SYT1: variants seen among roughly 807,000 people sequenced by gnomAD.
SYT1 encodes the protein synaptotagmin 1.
Under a neutral mutation model 44.8 loss-of-function variants are expected in SYT1, and 8 were observed. The ratio of observed to expected loss-of-function variants is 0.18; its 90% CI spans 0.10 to 0.32. SYT1 has a LOEUF of 0.32. Among genes scored for constraint, SYT1 ranks in the 10% least tolerant of loss-of-function variants. The pLI is 1.00. For synonymous variants in SYT1, 154 were observed against 188.8 expected (o/e 0.82, Z 1.51); for missense variants, 286 against 509.3 (o/e 0.56, Z 4.22).
chr12:78,887,182 C>T (rs1874795095), intron 1 of SYT1, among the ~76,000 whole-genome samples: 1 of 151,934 alleles, frequency 6.6e-6, no homozygotes, highest in African/African-American at 2.4e-5. Context: ...ATGATGAAAT[C>T]TCACGCCATC....
At chr12:79,118,249 T>G (rs1203220642) in intron 3 of SYT1, among the ~76,000 whole-genome samples, 2 of 152,170 alleles carry the variant, frequency 1.3e-5, no homozygotes, top group Non-Finnish European at 2.9e-5. Flanking sequence ...GGTTAAAAAT[T>G]ATTGGTTATG....
In SYT1 at chr12:78,979,216, A is replaced by G. The variant is rs1286763973; in HGVS notation, c.-84+1285A>G. Among the ~76,000 whole-genome samples, 5 of 152,306 alleles carry G rather than the reference A, an allele frequency of 3.3e-5. No homozygotes were observed. In the East Asian group the frequency reaches 9.6e-4, roughly 29 times the overall value. ...CATTGGATATTTTAATCATTTTACA[A>G]TGAAGGGCAGGTGCCTAATGTCCTT... On this transcript the variant is annotated intron_variant, in intron 2 of 10. Transcript: ENST00000261205.
chr12:79,395,907 T>G (rs924408917), intron 9 of SYT1, among the ~76,000 whole-genome samples: 1 of 152,220 alleles, frequency 6.6e-6, no homozygotes, highest in African/African-American at 2.4e-5. Flanking sequence ...TTTTCTAAAT[T>G]AATAAATTTA....
chr12:79,052,691 G>T (rs1469631251), intron 3 of SYT1, among the ~76,000 whole-genome samples: 1 of 152,166 alleles, frequency 6.6e-6, no homozygotes, highest in Non-Finnish European at 1.5e-5. Context: ...CAAAAAGTGG[G>T]TGAAGGATAT....
At chr12:79,233,660 G>A (rs1032669513) in intron 4 of SYT1, among the ~76,000 whole-genome samples, 1 of 152,128 alleles carries the variant, frequency 6.6e-6, no homozygotes, top group Non-Finnish European at 1.5e-5. Context: ...TTCTTTTCCG[G>A]ATCTGCTAAT....
chr12:79,264,183 C>CT (rs199984501), intron 4 of SYT1, among the ~76,000 whole-genome samples: 3,278 of 141,170 alleles, frequency 0.023, 85 homozygotes, highest in African/African-American at 0.068. Flanking sequence ...AGCCCAGCAA[C>CT]TTTTTTTTTT....
intron 1 of SYT1, among the ~76,000 whole-genome samples, chr12:78,884,529 C>T (rs1383810636): frequency 6.6e-6 from 1 of 151,598 alleles, no homozygotes; most frequent in Non-Finnish European, 1.5e-5. Context: ...TTCTTTCATA[C>T]TGCAAAGTAT....
chr12:78,970,941 G>C (rs1868359238), intron 1 of SYT1, among the ~76,000 whole-genome samples: 1 of 152,148 alleles, frequency 6.6e-6, no homozygotes, highest in Non-Finnish European at 1.5e-5. Flanking sequence ...CTGAGGTCAA[G>C]AGCTCAAGAC....
At chr12:79,305,950 G>A (rs1880374729) in intron 8 of SYT1, among the ~76,000 whole-genome samples, 2 of 152,034 alleles carry the variant, frequency 1.3e-5, no homozygotes, top group Non-Finnish European at 2.9e-5. Context: ...ACCCACCTCG[G>A]CCTCCCAAAG....
At chr12:79,433,524 T>C (rs1054867047) in intron 9 of SYT1, among the ~76,000 whole-genome samples, 2 of 152,232 alleles carry the variant, frequency 1.3e-5, no homozygotes, top group Admixed American at 1.3e-4. Context: ...ACCTTTCATC[T>C]GACGTAAATA....
chr12:79,434,421 T>C (rs1208494042), intron 9 of SYT1, among the ~76,000 whole-genome samples: 1 of 152,212 alleles, frequency 6.6e-6, no homozygotes, highest in Admixed American at 6.5e-5. Context: ...AATGTAGTCT[T>C]CTCTAAGTAC....
intron 3 of SYT1, among the ~76,000 whole-genome samples, chr12:79,160,174 A>G (rs1870861608): frequency 1.3e-5 from 2 of 152,086 alleles, no homozygotes; most frequent in African/African-American, 2.4e-5. Flanking sequence ...GATGTCTAAG[A>G]TGGCTGATGA....
At chr12:79,219,026 T>C (rs1216702618) in intron 4 of SYT1, among the ~76,000 whole-genome samples, 1 of 152,174 alleles carries the variant, frequency 6.6e-6, no homozygotes. Flanking sequence ...CCAACACTTA[T>C]ATTTGATTTT....
At chr12:78,868,410 TTAAA>T (rs1873653754) in intron 1 of SYT1, among the ~76,000 whole-genome samples, 1 of 151,898 alleles carries the variant, frequency 6.6e-6, no homozygotes, top group East Asian at 1.9e-4. Context: ...TTTAAAATTC[TTAAA>T]TAATTTATTT....
At chr12:79,126,576 T>C (rs1049994207) in intron 3 of SYT1, among the ~76,000 whole-genome samples, 1 of 152,142 alleles carries the variant, frequency 6.6e-6, no homozygotes, top group African/African-American at 2.4e-5. Context: ...TTTAATAATA[T>C]GCTAGAATTG....
intron 2 of SYT1, among the ~76,000 whole-genome samples, chr12:79,041,793 C>T (rs1277574715): frequency 4.6e-5 from 7 of 151,438 alleles, no homozygotes; most frequent in African/African-American, 7.3e-5. Context: ...TTTTGAAATA[C>T]GTCCCATCAA....
intron 3 of SYT1, among the ~76,000 whole-genome samples, chr12:79,211,987 T>C (rs2138538724): frequency 6.6e-6 from 1 of 152,316 alleles, no homozygotes; most frequent in Middle Eastern, 3.4e-3. Flanking sequence ...CAGTTCTTTA[T>C]TTGTGAAGTT....
At chr12:79,135,216 TA>T (rs1440946638) in intron 3 of SYT1, among the ~76,000 whole-genome samples, 39 of 152,000 alleles carry the variant, frequency 2.6e-4, no homozygotes, top group African/African-American at 9.2e-4. Context: ...ACTCGTCATT[TA>T]GCATTAGGTA....
rs1247132068 is a variant in SYT1 at position 79,291,674 on chromosome 12, T to A, written c.352-334T>A. On this transcript the variant is annotated intron_variant, in intron 5 of 10. Transcript: ENST00000261205. ...GAAACTTGGCCTGGTTAGTAGCATGTTTATCTTTCCTCTGAAAGCAGCAGT... is the reference window on the plus strand; with the variant it reads ...GAAACTTGGCCTGGTTAGTAGCATGATTATCTTTCCTCTGAAAGCAGCAGT... 61 of 428,076 alleles carry A rather than the reference T, an allele frequency of 1.4e-4. No homozygotes were observed. The Admixed American group carries it at 1.6e-3, about 11-fold the overall frequency. The allele number at this position is 428,076 out of a possible 1,614,324, so 26.5% of individuals were successfully genotyped here.
Sources: allele counts gnomAD v4.1 joint callset (sites outside exome capture counted in the v4.1 genomes callset), GRCh38; gene constraint gnomAD v4.1.1; transcripts MANE v1.5; gene names NCBI Gene and HGNC (gene_info 2026-07-23, HGNC 2026-07-21).